Variants in RBFOX1 observed in about 807,000 individuals in gnomAD.
RBFOX1 encodes RNA binding fox-1 homolog 1.
Under a neutral mutation model 57.7 loss-of-function variants are expected in RBFOX1, and 8 were observed. The observed-to-expected ratio is 0.14, with a 90% confidence interval of 0.08 to 0.25. The LOEUF (loss-of-function observed/expected upper bound fraction) is 0.25. Ranked by LOEUF, RBFOX1 falls within the 10% of genes least tolerant of loss-of-function variation. RBFOX1 has a pLI of 1.00. For synonymous variants in RBFOX1, 326 were observed against 222.4 expected (o/e 1.47, Z -4.15); for missense variants, 611 against 548.5 (o/e 1.11, Z -1.14).
intron 4 of RBFOX1, among the ~76,000 whole-genome samples, chr16:7,350,839 GC>G (rs2097115934): frequency 6.6e-6 from 1 of 152,144 alleles, no homozygotes; most frequent in Non-Finnish European, 1.5e-5. Flanking sequence ...CTGTGTCTGT[GC>G]CTGAAGGTCT....
At chr16:6,242,879 TAA>T (rs1329828622) in intron 1 of RBFOX1, among the ~76,000 whole-genome samples, 1 of 152,118 alleles carries the variant, frequency 6.6e-6, no homozygotes, top group Non-Finnish European at 1.5e-5. Flanking sequence ...TAACCAATGT[TAA>T]AACTTTATCA....
intron 6 of RBFOX1, among the ~76,000 whole-genome samples, chr16:7,584,890 G>A (rs1345771586): frequency 6.6e-6 from 1 of 152,152 alleles, no homozygotes; most frequent in Non-Finnish European, 1.5e-5. Flanking sequence ...AACTGCCACA[G>A]AAGCAAACTT....
At chr16:6,398,941 C>T (rs988041007) in intron 2 of RBFOX1, among the ~76,000 whole-genome samples, 4 of 152,248 alleles carry the variant, frequency 2.6e-5, no homozygotes, top group African/African-American at 9.6e-5. Flanking sequence ...AGAGGTTCTC[C>T]ATGAGGATTC....
intron 4 of RBFOX1, among the ~76,000 whole-genome samples, chr16:7,397,384 C>A (rs1052200407): frequency 6.6e-6 from 1 of 152,170 alleles, no homozygotes; most frequent in African/African-American, 2.4e-5. Flanking sequence ...AGTCTATGAA[C>A]GTTGGCTTAT....
chr16:6,339,611 A>G (rs1357621921), intron 2 of RBFOX1, among the ~76,000 whole-genome samples: 1 of 151,944 alleles, frequency 6.6e-6, no homozygotes, highest in Non-Finnish European at 1.5e-5. Context: ...TTTCACTGGA[A>G]TGTTGGATTT....
intron 2 of RBFOX1, among the ~76,000 whole-genome samples, chr16:6,506,003 C>A (rs1461692231): frequency 6.6e-6 from 1 of 152,140 alleles, no homozygotes; most frequent in Non-Finnish European, 1.5e-5. Context: ...CCTCTAATTA[C>A]TATCTGAGCT....
intron 2 of RBFOX1, among the ~76,000 whole-genome samples, chr16:6,561,006 C>G (rs985333888): frequency 1.3e-5 from 2 of 152,196 alleles, no homozygotes; most frequent in Admixed American, 6.5e-5. Context: ...CACTTAAAGA[C>G]AACTTCAAAC....
At chr16:5,729,794 T>A (rs2052295183) in intron 3 of RBFOX1, among the ~76,000 whole-genome samples, 1 of 152,138 alleles carries the variant, frequency 6.6e-6, no homozygotes, top group South Asian at 2.1e-4. Context: ...AGTGTTAAGG[T>A]GAATAGCAAG....
chr16:7,207,689 A>G (rs181887383), intron 4 of RBFOX1, among the ~76,000 whole-genome samples: 3 of 152,342 alleles, frequency 2.0e-5, no homozygotes, highest in Admixed American at 1.3e-4. Context: ...GTTTAAAAGA[A>G]TGCAACAACT....
At chr16:7,345,613 C>G (rs887192520) in intron 4 of RBFOX1, among the ~76,000 whole-genome samples, 22 of 152,114 alleles carry the variant, frequency 1.4e-4, no homozygotes, top group Non-Finnish European at 1.5e-5. Flanking sequence ...CGCCAGTCAT[C>G]AGCCGCCGAG....
intron 4 of RBFOX1, among the ~76,000 whole-genome samples, chr16:7,194,038 A>G (rs139096952): frequency 7.9e-5 from 12 of 152,240 alleles, no homozygotes; most frequent in African/African-American, 2.2e-4. Flanking sequence ...ACGGGTATAC[A>G]TGATGCTATT....
chr16:7,156,548 G>C (rs1235144581), intron 4 of RBFOX1, among the ~76,000 whole-genome samples: 2 of 151,850 alleles, frequency 1.3e-5, no homozygotes, highest in Admixed American at 6.6e-5. Context: ...TATGCATGTA[G>C]ATATACATAT....
At chr16:7,388,474 C>T (rs1400377621) in intron 4 of RBFOX1, among the ~76,000 whole-genome samples, 1 of 152,022 alleles carries the variant, frequency 6.6e-6, no homozygotes, top group Non-Finnish European at 1.5e-5. Context: ...TTCTACTCCT[C>T]CTTTTTATCA....
chr16:7,269,197 G>A (rs188685743), intron 4 of RBFOX1, among the ~76,000 whole-genome samples: 8 of 151,974 alleles, frequency 5.3e-5, no homozygotes, highest in East Asian at 3.9e-4. Context: ...TATACAGCAC[G>A]TTGGTGACTT....
In RBFOX1 at chr16:5,946,740, G is replaced by A. The variant is rs956314229; in HGVS notation, c.351+79405G>A. The stretch of plus-strand genomic sequence containing the variant: ...TGCTCTGAAGTGGGGCCAGTCTTGT[G>A]GGACTGGGCCCTCAACCTGTGGAAT... On this transcript the variant is annotated intron_variant, in intron 4 of 19. Coordinates refer to the RBFOX1 transcript ENST00000641259. The surrounding 1 kb of genome is among the most constrained non-coding windows in gnomAD (Gnocchi z 4.6). Among the ~76,000 whole-genome samples, 11 of 152,208 alleles carry A rather than the reference G, an allele frequency of 7.2e-5. No homozygotes were observed. The highest frequency in any genetic ancestry group is 1.2e-4 in the African/African-American group (5 of 41,456).
intron 2 of RBFOX1, among the ~76,000 whole-genome samples, chr16:5,528,644 C>T (rs1024009220): frequency 3.3e-5 from 5 of 149,682 alleles, no homozygotes. Flanking sequence ...CCCTTCTCCG[C>T]TTCCCCCCTC....
At chr16:6,753,745 G>A (rs755233351) in intron 3 of RBFOX1, among the ~76,000 whole-genome samples, 1 of 151,968 alleles carries the variant, frequency 6.6e-6, no homozygotes, top group Non-Finnish European at 1.5e-5. Flanking sequence ...AGCAGCTCTG[G>A]CCTCCTTGGA....
At chr16:6,111,339 G>C (rs528289814) in intron 1 of RBFOX1, among the ~76,000 whole-genome samples, 1 of 152,258 alleles carries the variant, frequency 6.6e-6, no homozygotes, top group African/African-American at 2.4e-5. Flanking sequence ...GTTAGAACTA[G>C]TTTTATGGTG....
At chr16:6,818,826 C>G (rs935623744) in intron 3 of RBFOX1, among the ~76,000 whole-genome samples, 10 of 152,174 alleles carry the variant, frequency 6.6e-5, no homozygotes, top group African/African-American at 2.4e-4. Context: ...TGGTCCGTGC[C>G]TGGGCATATC....
Sources: gnomAD v4.1 joint callset for allele counts (sites outside exome capture counted in the v4.1 genomes callset) on GRCh38, gnomAD v4.1.1 for gene constraint, Gnocchi (gnomAD v3.1) non-coding constraint, MANE v1.5 for transcripts, NCBI Gene and HGNC (gene_info 2026-07-23, HGNC 2026-07-21) for gene names.